The following RBMS3 variants were observed in gnomAD, a reference collection of about 807,000 sequenced individuals.
The protein encoded by RBMS3 is RNA-binding motif, single-stranded-interacting protein 3.
In RBMS3, 27 loss-of-function variants were observed where a neutral mutation model predicts 66.8. The ratio of observed to expected loss-of-function variants is 0.40; its 90% CI spans 0.30 to 0.56. The LOEUF (loss-of-function observed/expected upper bound fraction) is 0.56, where lower values mean the gene tolerates loss of function less well. Ranked by LOEUF, RBMS3 falls within the 20% of genes least tolerant of loss-of-function variation. RBMS3 has a pLI of 0.40. For missense variants in RBMS3, 513 were observed against 549.5 expected (o/e 0.93, Z 0.66); for synonymous variants, 188 against 183.0 (o/e 1.03, Z -0.22).
At chr3:29,778,924 G>C (rs1037911087) in intron 6 of RBMS3, among the ~76,000 whole-genome samples, 2 of 151,846 alleles carry the variant, frequency 1.3e-5, no homozygotes, top group Admixed American at 1.3e-4. Context: ...ATATCAGCAA[G>C]AAATTGAGTG....
At chr3:29,570,071 T>A (rs780740065) in intron 3 of RBMS3, among the ~76,000 whole-genome samples, 12 of 152,150 alleles carry the variant, frequency 7.9e-5, no homozygotes, top group Non-Finnish European at 1.8e-4. Context: ...AAATTTATTA[T>A]CTTGGATGGT....
chr3:29,509,926 G>T (rs1001645749), intron 3 of RBMS3, among the ~76,000 whole-genome samples: 3 of 152,174 alleles, frequency 2.0e-5, no homozygotes, highest in Admixed American at 6.5e-5. Context: ...ATGTCTAAAA[G>T]AATAAAATGA....
intron 4 of RBMS3, among the ~76,000 whole-genome samples, chr3:29,674,648 C>A (rs1358883053): frequency 1.4e-5 from 2 of 142,174 alleles, no homozygotes; most frequent in Non-Finnish European, 3.0e-5. Context: ...CTCCCATTCA[C>A]AATTGCTTCA....
At chr3:29,381,161 C>A (rs2038748107) in intron 1 of RBMS3, among the ~76,000 whole-genome samples, 2 of 152,114 alleles carry the variant, frequency 1.3e-5, no homozygotes, top group Admixed American at 1.3e-4. Flanking sequence ...GGGGAGAGGT[C>A]ATATGACCCC....
rs923180562 is a variant in RBMS3, at chr3:29,897,498, T to C, written c.888+23T>C. 8.8e-6 allele frequency: 14 copies of C among 1,583,468 alleles called. No individual in the cohort carries two copies. The African/African-American group carries it at 1.9e-4, about 21-fold the overall frequency. ...CAGGTATGTCCAATTTACCTGCACC[T>C]TAGGAGATATCTTTCTTGCAGTAAT... On this transcript the variant is annotated intron_variant, in intron 9 of 14. Transcript: ENST00000383767.
intron 4 of RBMS3, among the ~76,000 whole-genome samples, chr3:29,633,961 C>T (rs2049377288): frequency 6.6e-6 from 1 of 151,818 alleles, no homozygotes; most frequent in Non-Finnish European, 1.5e-5. Context: ...AGTCAACTAA[C>T]CTGCCAATAT....
chr3:29,380,058 A>G (rs2038686292), intron 1 of RBMS3, among the ~76,000 whole-genome samples: 1 of 152,098 alleles, frequency 6.6e-6, no homozygotes, highest in Non-Finnish European at 1.5e-5. Context: ...GCAAAAAAGT[A>G]TGAGGATTTG....
intron 2 of RBMS3, among the ~76,000 whole-genome samples, chr3:29,470,558 T>C (rs1379090748): frequency 6.6e-6 from 1 of 152,036 alleles, no homozygotes; most frequent in Non-Finnish European, 1.5e-5. Flanking sequence ...TTTCTGATTT[T>C]TTTTTCTAGA....
At chr3:29,385,022 A>T (rs2038950728) in intron 1 of RBMS3, among the ~76,000 whole-genome samples, 1 of 152,188 alleles carries the variant, frequency 6.6e-6, no homozygotes, top group African/African-American at 2.4e-5. Flanking sequence ...CTCATCTTTG[A>T]CACCCTGTTT....
chr3:29,363,218 A>G (rs923698687), intron 1 of RBMS3, among the ~76,000 whole-genome samples: 3 of 152,146 alleles, frequency 2.0e-5, no homozygotes, highest in Admixed American at 1.3e-4. Context: ...GTTGGATACA[A>G]TGTGTTTATT....
chr3:29,942,883 T>C (rs961071609), intron 11 of RBMS3, among the ~76,000 whole-genome samples: 2 of 151,428 alleles, frequency 1.3e-5, no homozygotes, highest in African/African-American at 4.9e-5. Context: ...GTTACTACTA[T>C]TATTTAAAAA....
chr3:29,479,654 T>C (rs1006778687), intron 2 of RBMS3, among the ~76,000 whole-genome samples: 2 of 152,226 alleles, frequency 1.3e-5, no homozygotes, highest in Admixed American at 1.3e-4. Flanking sequence ...TTGAAGGACC[T>C]GTATTATTTA....
chr3:29,367,390 G>A (rs2037968114), intron 1 of RBMS3, among the ~76,000 whole-genome samples: 2 of 152,114 alleles, frequency 1.3e-5, no homozygotes, highest in African/African-American at 4.8e-5. Flanking sequence ...GTCTACGTGT[G>A]TGAGTGAGAG....
chr3:29,291,091 A>C (rs1167797112), intron 1 of RBMS3, among the ~76,000 whole-genome samples: 1 of 151,978 alleles, frequency 6.6e-6, no homozygotes, highest in Non-Finnish European at 1.5e-5. Context: ...AGAGATTATT[A>C]GAAGACTAAG....
chr3:29,501,187 G>A (rs1333744328), intron 3 of RBMS3, among the ~76,000 whole-genome samples: 1 of 152,136 alleles, frequency 6.6e-6, no homozygotes, highest in Non-Finnish European at 1.5e-5. Flanking sequence ...TTGATATCAT[G>A]TGTATATGTT....
At chr3:29,465,747 A>G (rs2042521665) in intron 2 of RBMS3, among the ~76,000 whole-genome samples, 1 of 152,202 alleles carries the variant, frequency 6.6e-6, no homozygotes, top group African/African-American at 2.4e-5. Context: ...CAAATAGTTC[A>G]TAGTATTGAC....
intron 3 of RBMS3, among the ~76,000 whole-genome samples, chr3:29,506,729 G>A (rs934398877): frequency 1.3e-5 from 2 of 151,892 alleles, no homozygotes; most frequent in African/African-American, 4.8e-5. Flanking sequence ...TGGGAAAAAT[G>A]TTATTACTGT....
intron 8 of RBMS3, among the ~76,000 whole-genome samples, chr3:29,892,328 T>C (rs967284603): frequency 6.6e-6 from 1 of 151,598 alleles, no homozygotes; most frequent in Non-Finnish European, 1.5e-5. Flanking sequence ...AACTAGCTCA[T>C]GTGCTTCAGC....
In RBMS3 at chr3:29,627,425, G is replaced by C. The variant is rs1576392023; in HGVS notation, c.399+40220G>C. Among the ~76,000 whole-genome samples the C allele has an allele frequency of 2.0e-5, 3 of 152,144 alleles. No homozygotes were observed. The East Asian group carries it at 5.8e-4, about 29-fold the overall frequency. On this transcript the variant is annotated intron_variant, in intron 4 of 14. Coordinates refer to ENST00000383767, the MANE Select transcript of RBMS3 (RefSeq NM_001003793.3). Reference sequence around the variant, plus strand: ...TGTCTTTTGCATTGTAGGATATTTAGCATAACAATCCTTGGCCTCTACCTA... The same window carrying C: ...TGTCTTTTGCATTGTAGGATATTTACCATAACAATCCTTGGCCTCTACCTA...
Sources: allele counts gnomAD v4.1 joint callset (sites outside exome capture counted in the v4.1 genomes callset), GRCh38; gene constraint gnomAD v4.1.1; transcripts MANE v1.5; gene names NCBI Gene and HGNC (gene_info 2026-07-23, HGNC 2026-07-21).